The following TMEM87A variants were observed in gnomAD, a reference collection of about 807,000 sequenced individuals.
TMEM87A encodes transmembrane protein 87A.
In TMEM87A, 50 loss-of-function variants were observed where a neutral mutation model predicts 90.0. That is an observed-to-expected ratio of 0.56 (90% CI 0.44 to 0.70). The LOEUF is 0.70. Ranked by LOEUF, TMEM87A falls within the 30% of genes least tolerant of loss-of-function variation. The pLI is 0.00. For missense variants in TMEM87A, 577 were observed against 660.5 expected (o/e 0.87, Z 1.39); for synonymous variants, 226 against 226.7 (o/e 1.00, Z 0.03).
At chr15:42,264,947 G>A (rs1566942040) in intron 3 of TMEM87A, among the ~76,000 whole-genome samples, 1 of 151,892 alleles carries the variant, frequency 6.6e-6, no homozygotes, top group Non-Finnish European at 1.5e-5. Flanking sequence ...AAGTGAAAAC[G>A]TGGTATTTCG....
chr15:42,222,281 T>A (rs1595709725), intron 15 of TMEM87A, among the ~76,000 whole-genome samples: 1 of 152,182 alleles, frequency 6.6e-6, no homozygotes, highest in East Asian at 1.9e-4. Flanking sequence ...GGTCTCGAAC[T>A]CCTGACCTCA....
chr15:42,267,612 T>C (rs1231329334), intron 3 of TMEM87A, among the ~76,000 whole-genome samples: 1 of 152,228 alleles, frequency 6.6e-6, no homozygotes, highest in Non-Finnish European at 1.5e-5. Flanking sequence ...TGTGGTTTTC[T>C]GGGAAAAACA....
At chr15:42,226,428 G>A (rs2050595268) in intron 15 of TMEM87A, among the ~76,000 whole-genome samples, 1 of 151,480 alleles carries the variant, frequency 6.6e-6, no homozygotes, top group South Asian at 2.1e-4. Context: ...ACTTTGATAT[G>A]CACTGGAAAA....
chr15:42,238,708 C>G (rs1595725081), intron 8 of TMEM87A, among the ~76,000 whole-genome samples: 1 of 149,168 alleles, frequency 6.7e-6, no homozygotes, highest in Admixed American at 6.7e-5. Context: ...TATCCATTAT[C>G]ATGCCACTGC....
At chr15:42,238,005 A>ATGTG (rs200237374) in intron 8 of TMEM87A, among the ~76,000 whole-genome samples, 2 of 12,172 alleles carry the variant, frequency 1.6e-4, no homozygotes, top group African/African-American at 2.7e-4. Context: ...ATATATATAT[A>ATGTG]TGTGTGTGTG....
intron 6 of TMEM87A, among the ~76,000 whole-genome samples, chr15:42,253,489 ACT>A (rs2051122321): frequency 6.6e-6 from 1 of 152,022 alleles, no homozygotes; most frequent in East Asian, 1.9e-4. Context: ...CCCTGGGAAC[ACT>A]CTAAGTTGGG....
chr15:42,219,614 T>G lies in TMEM87A; in HGVS notation c.1506A>C (p.Gln502His). Residue 502 changes from glutamine (Q) to histidine (H), a missense_variant, in exon 17 of 20, where the codon CAA becomes CAC. Transcript: ENST00000389834. Reference sequence around the variant, plus strand: ...TAACTTTACTATTTCCATTGGGTTCTTGTTTGGTACTTCTCATTTTCATTC... The same window carrying G: ...TAACTTTACTATTTCCATTGGGTTCGTGTTTGGTACTTCTCATTTTCATTC... ...FEGMKMRSTK[Q>H]EPNGNSKVNK... 1 of 1,601,556 alleles carries G rather than the reference T, an allele frequency of 6.2e-7. No homozygotes were observed. Among genetic ancestry groups the G allele is most frequent in the Non-Finnish European group, 8.5e-7 (1 of 1,173,254 alleles).
intron 19 of TMEM87A, among the ~76,000 whole-genome samples, chr15:42,217,258 A>G (rs963518246): frequency 2.0e-5 from 3 of 152,128 alleles, no homozygotes; most frequent in African/African-American, 7.2e-5. Flanking sequence ...CTGGCCCACA[A>G]TCCTAACATA....
chr15:42,219,669 T>C (rs1181012276), intron 16 of TMEM87A, 27 bp from the exon 17 acceptor site: 5 of 1,510,316 alleles, frequency 3.3e-6, no homozygotes, highest in Middle Eastern at 1.9e-4. Context: ...ATATACACTG[T>C]TTAACTTTGT....
chr15:42,273,350 G>T lies in TMEM87A; in HGVS notation c.49C>A (p.Leu17Met), dbSNP rs1436978304. 6.2e-7 allele frequency: 1 copy of T among 1,614,146 alleles called. No individual in the cohort carries two copies. The highest frequency in any genetic ancestry group is 1.6e-4 in the Middle Eastern group (1 of 6,062). The change falls in exon 1 of 20, where the codon CTG becomes ATG. Residue 17 changes from leucine (L) to methionine (M), a missense_variant. Coordinates refer to ENST00000389834, the MANE Select transcript of TMEM87A (RefSeq NM_015497.5). The part of the protein sequence containing the change: ...LQVLPVILLL[L>M]GAHPSPLSFF... The stretch of plus-strand genomic sequence containing the variant: ...GACAGTGGTGACGGGTGAGCTCCCA[G>T]AAGCAGAAGAATGACAGGCAACACC...
At chr15:42,228,851 G>A (rs1452929224) in intron 12 of TMEM87A, 31 bp from the exon 13 acceptor site, 2 of 1,480,558 alleles carry the variant, frequency 1.4e-6, no homozygotes, top group Admixed American at 4.3e-5. Flanking sequence ...TCAACATTCA[G>A]GAAAAAACAG....
rs774085717 is a variant in TMEM87A, at chr15:42,220,088, T to A, written c.1451A>T (p.Lys484Met). 1.2e-5 allele frequency: 19 copies of A among 1,609,050 alleles called. No individual in the cohort carries two copies. The highest frequency in any genetic ancestry group is 1.7e-4 in the Middle Eastern group (1 of 6,034). Residue 484 changes from lysine to methionine, a missense_variant, in exon 16 of 20, where the codon AAG becomes ATG. Physicochemically the swap from Lys to Met is moderately conservative, Grantham distance 95. Transcript: ENST00000389834. Reference sequence around the variant, plus strand: ...AAAGCTTTCTTTCAGCATAGGCTCCTTTTGTTCATCCTCCTCCTCTTCCTC... The same window carrying A: ...AAAGCTTTCTTTCAGCATAGGCTCCATTTGTTCATCCTCCTCCTCTTCCTC... The part of the protein sequence containing the change: ...LSEEEEEDEQ[K>M]EPMLKESFEG...
intron 15 of TMEM87A, chr15:42,226,581 C>A: frequency 4.3e-6 from 2 of 461,032 alleles, no homozygotes; most frequent in East Asian, 3.3e-5. Context: ...TTTAATTCCC[C>A]CTCAGTATAT....
Position 42,233,115 on chromosome 15 carries a change from A to T in TMEM87A, c.1062+98T>A, listed in dbSNP as rs56833829. The T allele has an allele frequency of 2.3e-3, 2,374 of 1,014,234 alleles. 48 individuals carry two copies. The African/African-American group carries it at 0.034, about 15-fold the overall frequency. 62.8% of individuals were successfully genotyped at this position (1,014,234 alleles called of 1,614,324 possible). On this transcript the variant is annotated intron_variant, in intron 11 of 19. Coordinates refer to ENST00000389834, the MANE Select transcript of TMEM87A (RefSeq NM_015497.5). ...TCAGAGCCCAAAAGTGACTTAAAGC[A>T]AACAGAAAGAAGCCCACAGACATTT... is the stretch of plus-strand genomic sequence containing the variant.
intron 6 of TMEM87A, 61 bp downstream of exon 6, chr15:42,260,897 T>A: frequency 2.0e-6 from 3 of 1,531,932 alleles, no homozygotes; most frequent in South Asian, 2.4e-5. Flanking sequence ...AATTCAGAAA[T>A]ACACAAATTT....
At chr15:42,245,520 C>CTTTTTT (rs550453415) in intron 6 of TMEM87A, among the ~76,000 whole-genome samples, 3 of 118,432 alleles carry the variant, frequency 2.5e-5, no homozygotes, top group African/African-American at 3.4e-5. Context: ...ACATTTATTA[C>CTTTTTT]TTTTTTTTTT....
intron 3 of TMEM87A, among the ~76,000 whole-genome samples, chr15:42,267,704 A>T (rs919418906): frequency 6.6e-6 from 1 of 152,184 alleles, no homozygotes; most frequent in African/African-American, 2.4e-5. Context: ...TCTCAGTTGT[A>T]ATTTCTAATA....
intron 19 of TMEM87A, among the ~76,000 whole-genome samples, chr15:42,213,180 G>A (rs1398285975): frequency 6.6e-6 from 1 of 152,176 alleles, no homozygotes; most frequent in African/African-American, 2.4e-5. Context: ...TTTTGCAGAG[G>A]GAAGGAAATG....
At position 42,219,648 on chromosome 15, in the gene TMEM87A, G is replaced by A. The variant is rs2050438891; in HGVS notation, c.1478-6C>T. 2 of 1,583,416 alleles carry A rather than the reference G, an allele frequency of 1.3e-6. No homozygotes were observed. ...ACTTCTCATTTTCATTCCTTCTGTA[G>A]AAGAAAATAAATATACACTGTTTAA... On this transcript the variant is annotated splice_polypyrimidine_tract_variant and splice_region_variant and intron_variant, in intron 16 of 19. Transcript: ENST00000389834.
Sources: gnomAD v4.1 joint callset for allele counts (sites outside exome capture counted in the v4.1 genomes callset) on GRCh38, gnomAD v4.1.1 for gene constraint, MANE v1.5 for transcripts, NCBI Gene and HGNC (gene_info 2026-07-23, HGNC 2026-07-21) for gene names.